The following CDH18 variants were observed in gnomAD, a reference collection of about 807,000 sequenced individuals.
CDH18 encodes the protein cadherin 18.
In CDH18, 31 loss-of-function variants were observed where a neutral mutation model predicts 67.9. The ratio of observed to expected loss-of-function variants is 0.46; its 90% CI spans 0.34 to 0.62. CDH18 has a LOEUF of 0.62. Among genes scored for constraint, CDH18 ranks in the 20% least tolerant of loss-of-function variants. CDH18 has a pLI of 0.01. For synonymous variants in CDH18, 362 were observed against 347.2 expected, an observed-to-expected ratio of 1.04 and a Z score of -0.48; for missense variants, 890 against 975.5, an observed-to-expected ratio of 0.91 and a Z score of 1.17.
At chr5:19,646,589 C>G (rs866330723) in intron 5 of CDH18, among the ~76,000 whole-genome samples, 1 of 152,124 alleles carries the variant, frequency 6.6e-6, no homozygotes, top group East Asian at 1.9e-4. Context: ...GATCCACCTG[C>G]CTTGACCTCC....
Position 19,646,161 on chromosome 5 carries a change from G to C in CDH18, c.644-33560C>G, listed in dbSNP as rs1580679538. Among the ~76,000 whole-genome samples the C allele has an allele frequency of 2.0e-5, 3 of 152,170 alleles. No homozygotes were observed. The South Asian group carries it at 6.2e-4, about 32-fold the overall frequency. ...GGTTTATTGGTGAACTGGTTGTAAA[G>C]TGAGGAGAGAAATAAAAATGTCAGG... On this transcript the variant is annotated intron_variant, in intron 5 of 12. Coordinates refer to ENST00000382275, the MANE Select transcript of CDH18 (RefSeq NM_004934.5).
intron 12 of CDH18, 58 bp from the exon 13 acceptor site, chr5:19,473,774 GATTTTA>G: frequency 7.2e-7 from 1 of 1,394,792 alleles, no homozygotes; most frequent in Non-Finnish European, 9.7e-7. Context: ...AATTCTTAGA[GATTTTA>G]CAACAGCAAT....
chr5:20,400,224 G>T lies in CDH18; in HGVS notation c.-579-144719C>A, dbSNP rs1336771137. 4.6e-5 allele frequency among the ~76,000 whole-genome samples: 7 copies of T among 152,184 alleles called. No individual in the cohort carries two copies. In the East Asian group the frequency reaches 1.4e-3, roughly 29 times the overall value. On this transcript the variant is annotated intron_variant, in intron 1 of 14. Coordinates refer to the CDH18 transcript ENST00000507958. ...ATCCTGTAGTTGTCATTTTAAGAAT[G>T]TTCACAGACCCTTTGGGAGCTGAGA...
chr5:20,380,342 A>G (rs1349362278), intron 1 of CDH18, among the ~76,000 whole-genome samples: 1 of 152,210 alleles, frequency 6.6e-6, no homozygotes, highest in Admixed American at 6.5e-5. Context: ...TGAATTAATA[A>G]TAAGTACCTC....
In CDH18 at chr5:19,472,649, TG is replaced by T. The variant is rs1737747606; in HGVS notation, c.*576del. Among the ~76,000 whole-genome samples the T allele has an allele frequency of 6.6e-6, 1 of 151,978 alleles. No homozygotes were observed. Among genetic ancestry groups the T allele is most frequent in the Non-Finnish European group, 1.5e-5 (1 of 68,002 alleles). ...ATCAGTTTTGTATGGAGAAAAGAAC[TG>T]GGGAGGGCAAAGGGAAATGGTACAT... On this transcript the variant is annotated 3_prime_UTR_variant, in exon 13 of 13. Coordinates refer to ENST00000382275, the MANE Select transcript of CDH18 (RefSeq NM_004934.5).
chr5:20,413,520 A>T (rs539061029), intron 1 of CDH18, among the ~76,000 whole-genome samples: 1 of 152,146 alleles, frequency 6.6e-6, no homozygotes, highest in Admixed American at 6.5e-5. Flanking sequence ...GGTGTGGGAT[A>T]TTATCTCATT....
upstream of CDH18, among the ~76,000 whole-genome samples, chr5:19,988,686 G>A (rs1206197596): frequency 6.6e-6 from 1 of 151,996 alleles, no homozygotes; most frequent in Non-Finnish European, 1.5e-5. Context: ...ATAAGGCAGG[G>A]CAGGCGCTGA....
At chr5:20,166,459 A>G (rs947393294) in intron 2 of CDH18, among the ~76,000 whole-genome samples, 3 of 148,620 alleles carry the variant, frequency 2.0e-5, no homozygotes, top group East Asian at 3.9e-4. Flanking sequence ...AAAAAAGAAA[A>G]GAAAAGAAAA....
intron 1 of CDH18, among the ~76,000 whole-genome samples, chr5:20,293,232 G>T (rs1399698985): frequency 6.6e-6 from 1 of 152,066 alleles, no homozygotes; most frequent in African/African-American, 2.4e-5. Flanking sequence ...CAGGAGAATT[G>T]CTTGAACCCA....
chr5:19,628,688 T>C (rs1288743082), intron 5 of CDH18, among the ~76,000 whole-genome samples: 2 of 152,064 alleles, frequency 1.3e-5, no homozygotes, highest in African/African-American at 2.4e-5. Flanking sequence ...TCTGAGATTA[T>C]GTCTCAGAGA....
At chr5:20,345,351 G>A (rs773950227) in intron 1 of CDH18, among the ~76,000 whole-genome samples, 4 of 152,094 alleles carry the variant, frequency 2.6e-5, no homozygotes, top group African/African-American at 7.2e-5. Flanking sequence ...CCCTTAATCC[G>A]GAACACCCAA....
At chr5:20,513,606 T>C (rs933303074) in intron 1 of CDH18, among the ~76,000 whole-genome samples, 3 of 152,146 alleles carry the variant, frequency 2.0e-5, no homozygotes, top group Admixed American at 6.6e-5. Flanking sequence ...GGCAGAAATG[T>C]CCAGGTTGAT....
intron 2 of CDH18, among the ~76,000 whole-genome samples, chr5:19,994,266 T>C (rs1185415595): frequency 6.1e-5 from 9 of 148,490 alleles, no homozygotes; most frequent in Admixed American, 2.0e-4. Context: ...TATACACATA[T>C]ATGTATACAT....
intron 3 of CDH18, among the ~76,000 whole-genome samples, chr5:19,771,030 G>A (rs1421502905): frequency 6.6e-6 from 1 of 152,128 alleles, no homozygotes; most frequent in Non-Finnish European, 1.5e-5. Flanking sequence ...ATGAGATTCT[G>A]GACTTTGAGA....
intron 2 of CDH18, among the ~76,000 whole-genome samples, chr5:20,174,540 T>C (rs1225601605): frequency 6.6e-6 from 1 of 152,154 alleles, no homozygotes; most frequent in Non-Finnish European, 1.5e-5. Context: ...ACCAAATTTA[T>C]TCACCTTTTT....
At chr5:20,378,240 C>T (rs559665692) in intron 1 of CDH18, among the ~76,000 whole-genome samples, 2 of 152,238 alleles carry the variant, frequency 1.3e-5, no homozygotes, top group East Asian at 1.9e-4. Flanking sequence ...GTGGTGCGCT[C>T]GGCTCCCTGA....
chr5:20,369,427 A>G (rs1204722561), intron 1 of CDH18, among the ~76,000 whole-genome samples: 1 of 152,236 alleles, frequency 6.6e-6, no homozygotes, highest in Non-Finnish European at 1.5e-5. Flanking sequence ...TTCACTTGAC[A>G]TCTTTCCAAT....
chr5:20,540,650 A>G (rs946418857), intron 1 of CDH18, among the ~76,000 whole-genome samples: 8 of 152,216 alleles, frequency 5.3e-5, no homozygotes, highest in African/African-American at 1.9e-4. Context: ...TTGGTAGCAC[A>G]TCCAGATGCT....
At chr5:20,417,010 T>C (rs1335858996) in intron 1 of CDH18, among the ~76,000 whole-genome samples, 2 of 152,162 alleles carry the variant, frequency 1.3e-5, no homozygotes, top group Non-Finnish European at 2.9e-5. Context: ...CAACTTCATA[T>C]ATCAGCTTCC....
Sources: gnomAD v4.1 joint callset for allele counts (sites outside exome capture counted in the v4.1 genomes callset) on GRCh38, gnomAD v4.1.1 for gene constraint, MANE v1.5 for transcripts, NCBI Gene and HGNC (gene_info 2026-07-23, HGNC 2026-07-21) for gene names.